Variants in ACTR8 observed in about 807,000 individuals in gnomAD.
ACTR8 encodes the protein actin-related protein 8.
A neutral mutation model predicts 84.3 loss-of-function variants in ACTR8; 70 were observed. That is an observed-to-expected ratio of 0.83 (90% CI 0.68 to 1.01). The LOEUF (loss-of-function observed/expected upper bound fraction) is 1.01, where lower values mean the gene tolerates loss of function less well. Ranked by LOEUF, ACTR8 falls within the 50% of genes least tolerant of loss-of-function variation. The pLI, the probability that ACTR8 is intolerant of heterozygous loss-of-function variation, is 0.00. For synonymous variants in ACTR8, 268 were observed against 275.2 expected (o/e 0.97, Z 0.26); for missense variants, 672 against 775.4 (o/e 0.87, Z 1.58).
downstream of ACTR8, among the ~76,000 whole-genome samples, chr3:53,866,567 T>G (rs987460969): frequency 6.6e-6 from 1 of 152,098 alleles, no homozygotes; most frequent in East Asian, 1.9e-4. Context: ...CTACAACCTC[T>G]GCCTTCCGGG....
At chr3:53,865,359 C>A (rs1390948694), downstream of ACTR8, 8 of 1,433,284 alleles carry the variant, frequency 5.6e-6, no homozygotes, top group Admixed American at 6.4e-5. Flanking sequence ...CCACCAATTA[C>A]AGGGAAAAAA....
chr3:53,860,614 C>G, the ACTR8 span: 1 of 156,644 alleles, frequency 6.4e-6, no homozygotes, highest in Non-Finnish European at 1.4e-5. Flanking sequence ...TGGATTCATA[C>G]ACAGTTGACC....
chr3:53,866,641 C>T (rs1699790748), downstream of ACTR8, among the ~76,000 whole-genome samples: 1 of 136,772 alleles, frequency 7.3e-6, no homozygotes, highest in East Asian at 2.8e-4. Flanking sequence ...ACCACCACAC[C>T]CAGCTAACTT....
chr3:53,877,257 T>C lies in ACTR8; in HGVS notation c.641A>G (p.His214Arg). 6.2e-7 allele frequency: 1 copy of C among 1,612,824 alleles called. No homozygotes were observed. The change falls in exon 5 of 13, where the codon CAT becomes CGT. Residue 214 changes from histidine (H) to arginine (R), a missense_variant. His to Arg is a conservative substitution (Grantham distance 29). Transcript: ENST00000335754. ...VLADIEVIWS[H>R]AIQKYLEIPL... ...GATTTCCAAGTATTTTTGTATCGCATGAGACCATATTACTTCAATATCTGC... is the reference window on the plus strand; with the variant it reads ...GATTTCCAAGTATTTTTGTATCGCACGAGACCATATTACTTCAATATCTGC...
rs749555757 is a variant in ACTR8, at chr3:53,876,051, C to T, written c.808G>A (p.Ala270Thr). Reference sequence around the variant, plus strand: ...CTGCTTAAGCCACTTCCATAGGTGGCACACACAGACTCCTGATGGACCACA... The same window carrying T: ...CTGCTTAAGCCACTTCCATAGGTGGTACACACAGACTCCTGATGGACCACA... ...GIVVHQESVC[A>T]TYGSGLSSTC... The change falls in exon 7 of 13, where the codon GCC becomes ACC. Residue 270 changes from alanine (A) to threonine (T), a missense_variant. Physicochemically the swap from Ala to Thr is moderately conservative, Grantham distance 58 (BLOSUM62 0). Coordinates refer to ENST00000335754, the MANE Select transcript of ACTR8 (RefSeq NM_022899.5). 3 of 1,612,748 alleles carry T rather than the reference C, an allele frequency of 1.9e-6. No homozygotes were observed. The highest frequency in any genetic ancestry group is 1.7e-5 in the Admixed American group (1 of 59,822).
chr3:53,869,366 GCTA>G (rs1381091097), intron 12 of ACTR8, among the ~76,000 whole-genome samples: 3 of 152,180 alleles, frequency 2.0e-5, no homozygotes, highest in Admixed American at 6.5e-5. Flanking sequence ...AACTGAAGAT[GCTA>G]CTATTTACTA....
downstream of ACTR8, chr3:53,865,028 A>C (rs200188637): frequency 1.5e-5 from 25 of 1,614,224 alleles, no homozygotes; most frequent in Middle Eastern, 4.9e-4. Context: ...ACCTGTGGCA[A>C]GAGCGAGGGC....
At chr3:53,865,364 A>C, downstream of ACTR8, 1 of 1,380,032 alleles carries the variant, frequency 7.2e-7, no homozygotes, top group Admixed American at 2.2e-5. Flanking sequence ...AATTACAGGG[A>C]AAAAACGTGT....
chr3:53,860,239 T>C, the ACTR8 span: 1 of 1,593,370 alleles, frequency 6.3e-7, no homozygotes, highest in Non-Finnish European at 8.6e-7. Context: ...GTAAGGGTTA[T>C]AATTCTTTAA....
At chr3:53,878,574 A>C in intron 2 of ACTR8, 107 bp from the exon 3 acceptor site, 1 of 728,438 alleles carries the variant, frequency 1.4e-6, no homozygotes, top group Non-Finnish European at 2.4e-6. Flanking sequence ...CTTCATCAAC[A>C]AGTAGCGTTT....
intron 9 of ACTR8, 101 bp from the exon 10 acceptor site, chr3:53,872,625 ATTCCCTAAG>A: frequency 7.3e-7 from 1 of 1,371,872 alleles, no homozygotes; most frequent in Non-Finnish European, 9.8e-7. Flanking sequence ...GGCAGATCAG[ATTCCCTAAG>A]TTAGACTGGG....
intron 12 of ACTR8, 33 bp downstream of exon 12, chr3:53,869,949 A>T (rs1175607040): frequency 5.0e-6 from 8 of 1,609,824 alleles, no homozygotes; most frequent in Non-Finnish European, 6.8e-6. Flanking sequence ...TTTCATTTGC[A>T]TACAGTCCAA....
chr3:53,860,504 T>C, the ACTR8 span: 12 of 280,486 alleles, frequency 4.3e-5, no homozygotes, highest in South Asian at 4.5e-4. Context: ...GGGCAAAAGA[T>C]GGCTGATAAC....
the ACTR8 span, chr3:53,860,119 G>T: frequency 4.4e-6 from 7 of 1,608,598 alleles, no homozygotes; most frequent in East Asian, 1.6e-4. Context: ...AATAAGCTTT[G>T]TTTTTTCCAG....
intron 5 of ACTR8, 62 bp from the exon 6 acceptor site, chr3:53,876,775 T>A (rs914596655): frequency 1.2e-6 from 1 of 845,900 alleles, no homozygotes; most frequent in African/African-American, 1.8e-5. Context: ...AAATTCACAC[T>A]CCTTTTTAGA....
intron 6 of ACTR8, 58 bp downstream of exon 6, chr3:53,876,562 T>C: frequency 1.1e-6 from 1 of 951,352 alleles, no homozygotes. Context: ...AGATTAACTC[T>C]GTCATTAAAG....
Position 53,870,374 on chromosome 3 carries a change from C to A in ACTR8, c.1568-229G>T, listed in dbSNP as rs189427020. 4 of 536,396 alleles carry A rather than the reference C, an allele frequency of 7.5e-6. No homozygotes were observed. The East Asian group carries it at 1.3e-4, about 17-fold the overall frequency. The allele number at this position is 536,396 out of a possible 1,614,324, so 33.2% of individuals were successfully genotyped here. On this transcript the variant is annotated intron_variant, in intron 11 of 12. Transcript: ENST00000335754. This position sits in a 1 kb window ranked among gnomAD's most constrained non-coding sequence, Gnocchi z 4.1. ...TAGGATCAAAATCTTTAAAGGAGGC[C>A]GAGCATGGTGGCTCACGCCTGTAAT...
At position 53,870,642 on chromosome 3, in the gene ACTR8, C is replaced by T. The variant is rs1699869842; in HGVS notation, c.1568-497G>A. On this transcript the variant is annotated intron_variant, in intron 11 of 12. Transcript: ENST00000335754. This position sits in a 1 kb window ranked among gnomAD's most constrained non-coding sequence, Gnocchi z 4.1. ...CTCTAGCCTGGGCAATGGAGTGAGA[C>T]TCTGAAAAATAAATAAATAAAATCT... Among the ~76,000 whole-genome samples the T allele has an allele frequency of 7.0e-6, 1 of 143,268 alleles. No individual in the cohort carries two copies. The highest frequency in any genetic ancestry group is 7.0e-5 in the Admixed American group (1 of 14,292). The allele number at this position is 143,268 out of a possible 152,430, so 94.0% of individuals were successfully genotyped here.
In ACTR8 at chr3:53,877,310, G is replaced by A; in HGVS notation, c.588C>T (p.Gly196=). The A allele has an allele frequency of 6.2e-7, 1 of 1,614,014 alleles. No individual in the cohort carries two copies. The highest frequency in any genetic ancestry group is 8.5e-7 in the Non-Finnish European group (1 of 1,179,908). The part of the protein sequence containing the change: ...IRRGQLNIHP[G]PGGSLTAVLA... ...GAACAGCTGTAAGAGAGCCCCCAGG[G>A]CCTGGGTGAATATTTAACTGACCTC... Residue 196 remains glycine (G), a synonymous_variant, in exon 5 of 13, where the codon GGC becomes GGT. Coordinates refer to ENST00000335754, the MANE Select transcript of ACTR8 (RefSeq NM_022899.5).
Sources: gnomAD v4.1 joint callset for allele counts (sites outside exome capture counted in the v4.1 genomes callset) on GRCh38, gnomAD v4.1.1 for gene constraint, Gnocchi (gnomAD v3.1) non-coding constraint, MANE v1.5 for transcripts, NCBI Gene and HGNC (gene_info 2026-07-23, HGNC 2026-07-21) for gene names.